The following LRBA variants were observed in gnomAD, a reference collection of about 807,000 sequenced individuals.
LRBA encodes lipopolysaccharide-responsive and beige-like anchor protein.
A neutral mutation model predicts 330.0 loss-of-function variants in LRBA; 176 were observed. The observed-to-expected ratio is 0.53, with a 90% CI of 0.47 to 0.60. The LOEUF is 0.60. Ranked by LOEUF, LRBA falls within the 20% of genes least tolerant of loss-of-function variation. LRBA has a pLI of 0.00. For missense variants in LRBA, 3,259 were observed against 3,444.8 expected, an observed-to-expected ratio of 0.95 and a Z score of 1.35; for synonymous variants, 1,230 against 1,193.0, an observed-to-expected ratio of 1.03 and a Z score of -0.64.
rs1439017913 is a variant in LRBA, at chr4:150,901,963, C to A, written c.1756-1746G>T. ...TCTAACTATATGCATAACACTGTATCATGGAAATACAGTGGCACATATGCT... is the reference window on the plus strand; with the variant it reads ...TCTAACTATATGCATAACACTGTATAATGGAAATACAGTGGCACATATGCT... On this transcript the variant is annotated intron_variant, in intron 13 of 56. Transcript: ENST00000651943. 2.0e-5 allele frequency among the ~76,000 whole-genome samples: 3 copies of A among 152,114 alleles called. No homozygotes were observed. In the East Asian group the frequency reaches 5.8e-4, roughly 29 times the overall value.
intron 44 of LRBA, among the ~76,000 whole-genome samples, chr4:150,447,420 T>C (rs937101553): frequency 6.6e-6 from 1 of 152,190 alleles, no homozygotes; most frequent in Non-Finnish European, 1.5e-5. Flanking sequence ...ATTTGCCCTT[T>C]TTTTCCTGTC....
chr4:150,525,269 T>C (rs1390047756), intron 40 of LRBA, among the ~76,000 whole-genome samples: 2 of 151,144 alleles, frequency 1.3e-5, no homozygotes, highest in Non-Finnish European at 2.9e-5. Context: ...GTCAATGACA[T>C]GCTCTGGCTT....
chr4:150,336,788 A>G (rs948308699), intron 48 of LRBA, among the ~76,000 whole-genome samples: 1 of 152,190 alleles, frequency 6.6e-6, no homozygotes, highest in African/African-American at 2.4e-5. Flanking sequence ...GTAGCTGTCC[A>G]TCTACTACAG....
intron 17 of LRBA, among the ~76,000 whole-genome samples, chr4:150,892,714 G>A (rs2127096439): frequency 6.6e-6 from 1 of 152,240 alleles, no homozygotes; most frequent in Middle Eastern, 3.4e-3. Context: ...AGCTTGTCTT[G>A]GATTTCAATT....
At chr4:150,473,550 G>C (rs1756386923) in intron 42 of LRBA, among the ~76,000 whole-genome samples, 2 of 152,100 alleles carry the variant, frequency 1.3e-5, no homozygotes, top group Admixed American at 6.6e-5. Context: ...AAGGAGAAAG[G>C]GTGAATTCCC....
At chr4:150,758,850 C>T (rs1734687201) in intron 35 of LRBA, among the ~76,000 whole-genome samples, 1 of 151,894 alleles carries the variant, frequency 6.6e-6, no homozygotes. Flanking sequence ...GCTGGAATTA[C>T]AGACAGAAGC....
intron 36 of LRBA, among the ~76,000 whole-genome samples, chr4:150,697,440 A>C (rs970845514): frequency 6.6e-6 from 1 of 151,546 alleles, no homozygotes; most frequent in African/African-American, 2.4e-5. Flanking sequence ...AAAATAAAAG[A>C]GGTCAAAAAC....
intron 37 of LRBA, among the ~76,000 whole-genome samples, chr4:150,643,468 T>C (rs1186633870): frequency 2.6e-5 from 4 of 152,088 alleles, no homozygotes. Context: ...AAAGATGACA[T>C]GTGAGTAAAT....
chr4:150,650,009 G>C (rs62344759), intron 37 of LRBA, among the ~76,000 whole-genome samples: 47,898 of 151,950 alleles, frequency 0.32, 8,841 homozygotes, highest in Non-Finnish European at 0.42. Flanking sequence ...CTTAACTTGA[G>C]CATATATGAT....
chr4:150,295,558 T>C (rs1728883390), intron 53 of LRBA, among the ~76,000 whole-genome samples: 1 of 152,178 alleles, frequency 6.6e-6, no homozygotes, highest in Admixed American at 6.6e-5. Context: ...AACATTCAGA[T>C]ACTTCAGTAA....
At chr4:150,485,011 C>T (rs1371189721) in intron 42 of LRBA, among the ~76,000 whole-genome samples, 1 of 151,972 alleles carries the variant, frequency 6.6e-6, no homozygotes, top group Admixed American at 6.6e-5. Flanking sequence ...AGATCTCAAT[C>T]TTTCTAAACA....
intron 47 of LRBA, among the ~76,000 whole-genome samples, chr4:150,383,103 A>C (rs1017866431): frequency 6.6e-6 from 1 of 152,236 alleles, no homozygotes; most frequent in Non-Finnish European, 1.5e-5. Context: ...CTTATGGATG[A>C]TTAACATTAG....
chr4:150,553,156 T>C lies in LRBA; in HGVS notation c.6330+34892A>G, dbSNP rs1037177238. Among the ~76,000 whole-genome samples the C allele has an allele frequency of 3.9e-5, 6 of 152,072 alleles. No homozygotes were observed. In the East Asian group the frequency reaches 7.7e-4, roughly 20 times the overall value. On this transcript the variant is annotated intron_variant, in intron 40 of 56. Transcript: ENST00000651943. ...GCAGTCATAAAAAAGGATGAGTTCATGTCATTTGTAGGGACATGGATGAAG... is the reference window on the plus strand; with the variant it reads ...GCAGTCATAAAAAAGGATGAGTTCACGTCATTTGTAGGGACATGGATGAAG...
rs1743974096 is a variant in LRBA at position 150,812,937 on chromosome 4, C to T, written c.5305+4187G>A. ...GGGATATGGGTGAAAGTGGAAGGATCACTTGAAGCCAGGACTTCAAGGCTT... is the reference window on the plus strand; with the variant it reads ...GGGATATGGGTGAAAGTGGAAGGATTACTTGAAGCCAGGACTTCAAGGCTT... On this transcript the variant is annotated intron_variant, in intron 31 of 56. Coordinates refer to ENST00000651943, the MANE Select transcript of LRBA (RefSeq NM_001364905.1). 2.0e-5 allele frequency among the ~76,000 whole-genome samples: 3 copies of T among 151,908 alleles called. No individual in the cohort carries two copies. In the South Asian group the frequency reaches 6.2e-4, roughly 32 times the overall value.
chr4:151,005,753 C>T (rs915650796), intron 2 of LRBA, among the ~76,000 whole-genome samples: 43 of 151,564 alleles, frequency 2.8e-4, no homozygotes, highest in Non-Finnish European at 1.5e-4. Flanking sequence ...TACAGGTGCC[C>T]GCCACCACGC....
chr4:150,419,609 T>TTG (rs1170270532), intron 46 of LRBA, among the ~76,000 whole-genome samples: 1 of 151,276 alleles, frequency 6.6e-6, no homozygotes, highest in Non-Finnish European at 1.5e-5. Context: ...GGTAAAAAGT[T>TTG]AGCAATATAT....
chr4:150,606,874 T>C (rs537469671), intron 37 of LRBA, among the ~76,000 whole-genome samples: 5 of 152,266 alleles, frequency 3.3e-5, no homozygotes, highest in African/African-American at 1.2e-4. Flanking sequence ...AAGAGAAGGG[T>C]TTATGCGTAA....
chr4:150,535,255 T>C (rs1246078346), intron 40 of LRBA, among the ~76,000 whole-genome samples: 2 of 152,104 alleles, frequency 1.3e-5, no homozygotes, highest in African/African-American at 4.8e-5. Context: ...CACCTCAGAC[T>C]CCTAAGTAGC....
At chr4:150,801,012 C>A (rs1221389205) in intron 33 of LRBA, among the ~76,000 whole-genome samples, 1 of 152,070 alleles carries the variant, frequency 6.6e-6, no homozygotes, top group African/African-American at 2.4e-5. Flanking sequence ...CTAAACCCAT[C>A]GATCTATCTA....
Sources: allele counts gnomAD v4.1 joint callset (sites outside exome capture counted in the v4.1 genomes callset), GRCh38; gene constraint gnomAD v4.1.1; transcripts MANE v1.5; gene names NCBI Gene and HGNC (gene_info 2026-07-23, HGNC 2026-07-21).